The following MSH5 variants were observed in gnomAD, a reference collection of about 807,000 sequenced individuals.
The protein encoded by MSH5 is mutS protein homolog 5.
A neutral mutation model predicts 107.7 loss-of-function variants in MSH5; 78 were observed. That is an observed-to-expected ratio of 0.72 (90% confidence interval 0.60 to 0.87). The LOEUF is 0.87. Among genes scored for constraint, MSH5 ranks in the 40% least tolerant of loss-of-function variants. MSH5 has a pLI of 0.00. For missense variants in MSH5, 889 were observed against 1,046.6 expected, an observed-to-expected ratio of 0.85 and a Z score of 2.08; for synonymous variants, 326 against 399.5, an observed-to-expected ratio of 0.82 and a Z score of 2.19.
intron 8 of MSH5, 85 bp from the exon 9 acceptor site, chr6:31,745,151 CT>C (rs1339604028): frequency 3.5e-5 from 28 of 793,112 alleles, no homozygotes; most frequent in Non-Finnish European, 6.0e-5. Flanking sequence ...AGGATATCCC[CT>C]GTCCCCATTC....
At chr6:31,747,546 A>G (rs1581526306) in intron 10 of MSH5, 114 bp downstream of exon 10, 1 of 1,081,206 alleles carries the variant, frequency 9.2e-7, no homozygotes, top group East Asian at 2.5e-5. Flanking sequence ...CCCACCTAGT[A>G]GTAGTAAAGC....
At chr6:31,741,676 C>T (rs559263485) in intron 3 of MSH5, among the ~76,000 whole-genome samples, 51 of 152,096 alleles carry the variant, frequency 3.4e-4, no homozygotes, top group Admixed American at 1.2e-3. Context: ...GTCACCACGC[C>T]CAGCCATGTT....
At chr6:31,741,115 A>G in intron 2 of MSH5, 48 bp from the exon 3 acceptor site, 2 of 1,605,742 alleles carry the variant, frequency 1.2e-6, no homozygotes, top group Non-Finnish European at 1.7e-6. Flanking sequence ...TAAACCCTAC[A>G]CTTATGAGTG....
chr6:31,744,465 A>G lies in MSH5; in HGVS notation c.648-81A>G, dbSNP rs1466111687. On this transcript the variant is annotated intron_variant, in intron 7 of 24. Coordinates refer to ENST00000375750, the MANE Select transcript of MSH5 (RefSeq NM_172166.4). ...AGACTTTGGGAAGAAGACTGGGACA[A>G]TATTCAGAGAGGGGGACAAAGGAAG... 121 of 1,569,308 alleles carry G rather than the reference A, an allele frequency of 7.7e-5. 1 individual carries two copies. Among genetic ancestry groups the G allele is most frequent in the Non-Finnish European group, 3.4e-5 (39 of 1,139,836 alleles).
chr6:31,747,641 T>G (rs71563364), intron 10 of MSH5, among the ~76,000 whole-genome samples: 2 of 152,184 alleles, frequency 1.3e-5, no homozygotes, highest in Admixed American at 6.5e-5. Flanking sequence ...TCATTTTTTG[T>G]TGTCAGCGCA....
Position 31,759,276 on chromosome 6 carries a change from C to A in MSH5, c.1407+99C>A. 1 of 1,373,188 alleles carries A rather than the reference C, an allele frequency of 7.3e-7. No individual in the cohort carries two copies. The highest frequency in any genetic ancestry group is 1.0e-6 in the Non-Finnish European group (1 of 963,212). 85.1% of individuals were successfully genotyped at this position (1,373,188 alleles called of 1,614,324 possible). ...AGCAGCACTGCCCAATATGGGATCT[C>A]TCCTCTGTAGTTTTACTCTGAGCTT... On this transcript the variant is annotated intron_variant, in intron 16 of 24. Coordinates refer to ENST00000375750, the MANE Select transcript of MSH5 (RefSeq NM_172166.4). This position sits in a 1 kb window ranked among gnomAD's most constrained non-coding sequence, Gnocchi z 4.7.
rs752837022 is a variant in MSH5 at position 31,760,827 on chromosome 6, C to T, written c.1950C>T (p.Ile650=). The change falls in exon 20 of 25, where the codon ATC becomes ATT. Residue 650 remains isoleucine, a synonymous_variant. Coordinates refer to ENST00000375750, the MANE Select transcript of MSH5 (RefSeq NM_172166.4). The surrounding 1 kb of genome is among the most constrained non-coding windows in gnomAD (Gnocchi z 5.6). ...SISLGLSTFM[I]DLNQVAKAVN... ...CCCTTGGCCTCTCCACCTTCATGAT[C>T]GACCTCAACCAGGTCAAAGGGAACA... is the stretch of plus-strand genomic sequence containing the variant. 2.5e-6 allele frequency: 4 copies of T among 1,612,708 alleles called. No individual in the cohort carries two copies. Among genetic ancestry groups the T allele is most frequent in the East Asian group, 2.2e-5 (1 of 44,872 alleles).
chr6:31,742,745 G>A, intron 3 of MSH5, 132 bp from the exon 4 acceptor site: 1 of 798,152 alleles, frequency 1.3e-6, no homozygotes, highest in Non-Finnish European at 2.1e-6. Context: ...TTCCCACTGT[G>A]CAGAGCACTC....
Position 31,758,227 on chromosome 6 carries a change from C to G in MSH5, c.1077C>G (p.Leu359=), listed in dbSNP as rs763714121. The part of the protein sequence containing the change: ...ACRSLPQSIQ[L]FRDIAQEFSD... ...GCTCCCTGCCGCAGTCCATCCAGCT[C>G]TTTCGGGACATTGCCCAAGAGTTCT... The change falls in exon 13 of 25, where the codon CTC becomes CTG. Residue 359 remains leucine, a synonymous_variant. Coordinates refer to ENST00000375750, the MANE Select transcript of MSH5 (RefSeq NM_172166.4). The surrounding 1 kb of genome is among the most constrained non-coding windows in gnomAD (Gnocchi z 5.1). The G allele has an allele frequency of 1.9e-6, 3 of 1,612,962 alleles. No individual in the cohort carries two copies. Among genetic ancestry groups the G allele is most frequent in the Non-Finnish European group, 2.5e-6 (3 of 1,180,052 alleles).
intron 5 of MSH5, among the ~76,000 whole-genome samples, chr6:31,743,677 C>T (rs886837234): frequency 6.6e-6 from 1 of 152,158 alleles, no homozygotes; most frequent in African/African-American, 2.4e-5. Context: ...AGCCATTTAT[C>T]TTTCTCAGGC....
At chr6:31,751,459 A>C (rs1490630356) in intron 10 of MSH5, 1 of 148,726 alleles carries the variant, frequency 6.7e-6, no homozygotes, top group African/African-American at 2.5e-5. Context: ...AACATGGTGA[A>C]ACCTCATCTC....
rs1354900345 is a variant in MSH5, at chr6:31,742,953, G to A, written c.348G>A (p.Lys116=). 1 of 1,612,928 alleles carries A rather than the reference G, an allele frequency of 6.2e-7. No homozygotes were observed. Among genetic ancestry groups the A allele is most frequent in the Non-Finnish European group, 8.5e-7 (1 of 1,180,026 alleles). The part of the protein sequence containing the change: ...QDENMTRFLG[K]LASQEHREPK... ...AGAATATGACTCGATTTCTGGGAAA[G>A]CTTGGTAAGGACTTGGTAAAGGATA... The change falls in exon 4 of 25, where the codon AAG becomes AAA. Residue 116 remains lysine (K), a synonymous_variant. Coordinates refer to ENST00000375750, the MANE Select transcript of MSH5 (RefSeq NM_172166.4).
intron 9 of MSH5, chr6:31,746,352 C>T (rs1809463996): frequency 6.6e-6 from 1 of 151,998 alleles, no homozygotes; most frequent in Non-Finnish European, 1.5e-5. Flanking sequence ...TCGCCTCAGC[C>T]TCCCAAGGTG....
chr6:31,740,340 G>C lies in MSH5; in HGVS notation c.-13-114G>C. 1 of 1,148,226 alleles carries C rather than the reference G, an allele frequency of 8.7e-7. No homozygotes were observed. The highest frequency in any genetic ancestry group is 1.2e-6 in the Non-Finnish European group (1 of 826,688). 71.1% of individuals were successfully genotyped at this position (1,148,226 alleles called of 1,614,324 possible). On this transcript the variant is annotated intron_variant, in intron 1 of 24. Coordinates refer to ENST00000375750, the MANE Select transcript of MSH5 (RefSeq NM_172166.4). This position sits in a 1 kb window ranked among gnomAD's most constrained non-coding sequence, Gnocchi z 4.4. ...ACAGCTCTCCACGCCCCTCAGCCCT[G>C]CCCCGCAGCCCTGTAGCAGAAGTAC...
chr6:31,750,198 A>T (rs28381367), intron 10 of MSH5, among the ~76,000 whole-genome samples: 1 of 152,376 alleles, frequency 6.6e-6, no homozygotes, highest in East Asian at 1.9e-4. Context: ...AGGACAGGTG[A>T]CATATTTATT....
intron 11 of MSH5, 29 bp from the exon 12 acceptor site, chr6:31,753,538 A>C (rs778246152): frequency 6.2e-7 from 1 of 1,614,006 alleles, no homozygotes; most frequent in Non-Finnish European, 8.5e-7. Flanking sequence ...GGAAGAGAAA[A>C]CAGCGGCTGT....
At chr6:31,744,491 T>C in intron 7 of MSH5, 55 bp from the exon 8 acceptor site, 1 of 1,589,550 alleles carries the variant, frequency 6.3e-7, no homozygotes, top group Non-Finnish European at 8.6e-7. Context: ...ACAAAGGAAG[T>C]GGAGTTGTGG....
chr6:31,742,573 G>A (rs191127092), intron 3 of MSH5, among the ~76,000 whole-genome samples: 37 of 152,212 alleles, frequency 2.4e-4, no homozygotes, highest in Admixed American at 1.6e-3. Context: ...TATATATGAC[G>A]TATTTACAAT....
In MSH5 at chr6:31,759,586, G is replaced by T; in HGVS notation, c.1495+74G>T. 1 of 1,450,876 alleles carries T rather than the reference G, an allele frequency of 6.9e-7. No homozygotes were observed. The highest frequency in any genetic ancestry group is 9.6e-7 in the Non-Finnish European group (1 of 1,042,618). 89.9% of individuals were successfully genotyped at this position (1,450,876 alleles called of 1,614,324 possible). On this transcript the variant is annotated intron_variant, in intron 17 of 24. Transcript: ENST00000375750. The surrounding 1 kb of genome is among the most constrained non-coding windows in gnomAD (Gnocchi z 4.7). ...CAGCAGCCAGGGGAAGGAGGGGAGT[G>T]GGCAACTTGGGGATGCTTCCAACAG... is the stretch of plus-strand genomic sequence containing the variant.
Sources: gnomAD v4.1 joint callset for allele counts (sites outside exome capture counted in the v4.1 genomes callset) on GRCh38, gnomAD v4.1.1 for gene constraint, Gnocchi (gnomAD v3.1) non-coding constraint, MANE v1.5 for transcripts, NCBI Gene and HGNC (gene_info 2026-07-23, HGNC 2026-07-21) for gene names.